Variants in PDGFC observed in about 807,000 individuals in gnomAD.
The protein encoded by PDGFC is platelet-derived growth factor C.
A neutral mutation model predicts 35.5 loss-of-function variants in PDGFC; 12 were observed. That is an observed-to-expected ratio of 0.34 (90% CI 0.22 to 0.55). PDGFC has a LOEUF of 0.55. Ranked by LOEUF, PDGFC falls within the 20% of genes least tolerant of loss-of-function variation. The pLI is 0.91. For missense variants in PDGFC, 322 were observed against 412.4 expected, an observed-to-expected ratio of 0.78 and a Z score of 1.90; for synonymous variants, 159 against 148.8, an observed-to-expected ratio of 1.07 and a Z score of -0.50.
At chr4:156,820,684 T>C (rs1442772663) in intron 2 of PDGFC, among the ~76,000 whole-genome samples, 1 of 152,148 alleles carries the variant, frequency 6.6e-6, no homozygotes, top group Non-Finnish European at 1.5e-5. Context: ...AATATGAAGA[T>C]GAACTAAGAA....
intron 1 of PDGFC, among the ~76,000 whole-genome samples, chr4:156,871,001 A>G (rs1729969229): frequency 6.6e-6 from 1 of 152,166 alleles, no homozygotes; most frequent in Non-Finnish European, 1.5e-5. Context: ...ATGCAGAGAG[A>G]AAATCCTATG....
chr4:156,921,834 TG>T lies in PDGFC; in HGVS notation c.118+48951del, dbSNP rs199539373. On this transcript the variant is annotated intron_variant, in intron 1 of 5. Coordinates refer to ENST00000502773, the MANE Select transcript of PDGFC (RefSeq NM_016205.3). ...GTTGATATTTCCCCCACATATTAGCTGCCTTGTCAATATTCTTCCCTCCTCA... is the reference window on the plus strand; with the variant it reads ...GTTGATATTTCCCCCACATATTAGCTCCTTGTCAATATTCTTCCCTCCTCA... Among the ~76,000 whole-genome samples, 100 of 152,266 alleles carry T rather than the reference TG, an allele frequency of 6.6e-4. 2 individuals are homozygous for T. In the East Asian group the frequency reaches 0.019, roughly 28 times the overall value.
chr4:156,871,192 A>G (rs1729975133), intron 1 of PDGFC, among the ~76,000 whole-genome samples: 1 of 152,130 alleles, frequency 6.6e-6, no homozygotes, highest in South Asian at 2.1e-4. Context: ...TCAGCTTATA[A>G]TGGGAAGTGC....
intron 2 of PDGFC, among the ~76,000 whole-genome samples, chr4:156,839,732 T>A (rs1442651561): frequency 6.6e-6 from 1 of 152,062 alleles, no homozygotes; most frequent in Non-Finnish European, 1.5e-5. Context: ...ACAGGAAGAT[T>A]TGGGAAAGTG....
intron 1 of PDGFC, among the ~76,000 whole-genome samples, chr4:156,907,224 A>G (rs1730935425): frequency 6.6e-6 from 1 of 152,196 alleles, no homozygotes; most frequent in South Asian, 2.1e-4. Context: ...CCTGTCTTTC[A>G]CATCTTTGTA....
intron 1 of PDGFC, among the ~76,000 whole-genome samples, chr4:156,856,848 G>A (rs575636809): frequency 5.9e-5 from 9 of 152,010 alleles, no homozygotes; most frequent in Non-Finnish European, 8.8e-5. Context: ...AAGTTCATCC[G>A]TAATAACCTA....
At chr4:156,917,666 G>A (rs1489718840) in intron 1 of PDGFC, among the ~76,000 whole-genome samples, 2 of 152,052 alleles carry the variant, frequency 1.3e-5, no homozygotes, top group African/African-American at 2.4e-5. Flanking sequence ...TTGTCCTCTG[G>A]GTTGGTGAAA....
At chr4:156,924,533 G>C (rs1439590603) in intron 1 of PDGFC, among the ~76,000 whole-genome samples, 3 of 152,142 alleles carry the variant, frequency 2.0e-5, no homozygotes, top group Admixed American at 2.0e-4. Context: ...TCCTTTAGGG[G>C]TCACAGAAGG....
intron 3 of PDGFC, among the ~76,000 whole-genome samples, chr4:156,790,211 T>C (rs1366180402): frequency 6.6e-6 from 1 of 152,136 alleles, no homozygotes; most frequent in Non-Finnish European, 1.5e-5. Context: ...GCAGCTCAAA[T>C]AAAATAATGC....
chr4:156,891,922 A>G (rs539969852), intron 1 of PDGFC, among the ~76,000 whole-genome samples: 1 of 152,314 alleles, frequency 6.6e-6, no homozygotes, highest in Non-Finnish European at 1.5e-5. Flanking sequence ...GAATAACTGG[A>G]ACATAAACCC....
At chr4:156,816,625 A>G (rs1428778863) in intron 2 of PDGFC, among the ~76,000 whole-genome samples, 1 of 152,202 alleles carries the variant, frequency 6.6e-6, no homozygotes, top group African/African-American at 2.4e-5. Flanking sequence ...GTTACAAAAT[A>G]TAGAAAAGAT....
intron 1 of PDGFC, among the ~76,000 whole-genome samples, chr4:156,901,772 T>C (rs1730792967): frequency 6.6e-6 from 1 of 152,012 alleles, no homozygotes; most frequent in Non-Finnish European, 1.5e-5. Flanking sequence ...ACCACCACCC[T>C]GGGCTAATTA....
At chr4:156,865,766 T>C (rs1181445845) in intron 1 of PDGFC, among the ~76,000 whole-genome samples, 1 of 152,198 alleles carries the variant, frequency 6.6e-6, no homozygotes, top group Non-Finnish European at 1.5e-5. Flanking sequence ...CTGGCAACAG[T>C]AAACAGTACC....
chr4:156,769,431 C>A (rs1730632226), intron 4 of PDGFC, among the ~76,000 whole-genome samples: 1 of 151,846 alleles, frequency 6.6e-6, no homozygotes. Flanking sequence ...TAAAATTATG[C>A]ATAGGTAATT....
chr4:156,829,461 C>T (rs1430108670), intron 2 of PDGFC, among the ~76,000 whole-genome samples: 1 of 152,164 alleles, frequency 6.6e-6, no homozygotes, highest in Non-Finnish European at 1.5e-5. Context: ...CCATCCTGGG[C>T]AATATCCCTA....
rs768899191 is a variant in PDGFC, at chr4:156,970,827, A to C, written c.77T>G (p.Leu26Arg). The C allele has an allele frequency of 2.5e-6, 4 of 1,613,670 alleles. No individual in the cohort carries two copies. The South Asian group carries it at 4.4e-5, about 18-fold the overall frequency. The change falls in exon 1 of 6, where the codon CTG becomes CGG. Residue 26 changes from leucine (L) to arginine (R), a missense_variant. Coordinates refer to ENST00000502773, the MANE Select transcript of PDGFC (RefSeq NM_016205.3). ...QRQGTQAESN[L>R]SSKFQFSSNK... is the part of the protein sequence containing the mutation. ...GCTGGAAAACTGGAATTTACTACTCAGGTTGGATTCCGCCTGAGTCCCCTG... is the reference window on the plus strand; with the variant it reads ...GCTGGAAAACTGGAATTTACTACTCCGGTTGGATTCCGCCTGAGTCCCCTG...
intron 1 of PDGFC, among the ~76,000 whole-genome samples, chr4:156,908,727 T>A (rs773287117): frequency 5.7e-4 from 86 of 152,168 alleles, no homozygotes; most frequent in Non-Finnish European, 5.9e-5. Context: ...TCCAAGCCAG[T>A]TATCTCTTAA....
intron 1 of PDGFC, among the ~76,000 whole-genome samples, chr4:156,903,768 C>T (rs542285652): frequency 2.3e-4 from 35 of 152,202 alleles, no homozygotes; most frequent in Middle Eastern, 3.4e-3. Flanking sequence ...TTCTGTAAAA[C>T]GAGTAATTCT....
intron 1 of PDGFC, among the ~76,000 whole-genome samples, chr4:156,936,704 A>G (rs1045840294): frequency 6.6e-6 from 1 of 152,216 alleles, no homozygotes; most frequent in Admixed American, 6.5e-5. Context: ...AAAGACTGAC[A>G]TGTCGGACAC....
Sources: gnomAD v4.1 joint callset for allele counts (sites outside exome capture counted in the v4.1 genomes callset) on GRCh38, gnomAD v4.1.1 for gene constraint, MANE v1.5 for transcripts, NCBI Gene and HGNC (gene_info 2026-07-23, HGNC 2026-07-21) for gene names.